Variants in MYLK4 observed in about 807,000 individuals in gnomAD.
The protein encoded by MYLK4 is caMLCK like.
A neutral mutation model predicts 48.1 loss-of-function variants in MYLK4; 46 were observed. That is an observed-to-expected ratio of 0.96 (90% CI 0.75 to 1.22). MYLK4 has a LOEUF of 1.22. MYLK4 is among the 50% of genes most tolerant of loss of function. The pLI is 0.00. For missense variants in MYLK4, 451 were observed against 486.1 expected (o/e 0.93, Z 0.68); for synonymous variants, 170 against 180.8 (o/e 0.94, Z 0.48).
chr6:2,768,856 A>G, the MYLK4 span: 1 of 1,612,276 alleles, frequency 6.2e-7, no homozygotes, highest in Non-Finnish European at 8.5e-7. Context: ...TATTGATGAG[A>G]TTCATCGGTT....
chr6:2,766,065 C>G, the MYLK4 span: 1 of 1,293,498 alleles, frequency 7.7e-7, no homozygotes, highest in Non-Finnish European at 9.8e-7. Context: ...GCCGCCGCCG[C>G]GGCGGGGAGC....
intron 2 of MYLK4, among the ~76,000 whole-genome samples, chr6:2,696,985 G>A (rs1762084893): frequency 1.3e-5 from 2 of 152,170 alleles, no homozygotes; most frequent in African/African-American, 4.8e-5. Context: ...CTTGAACCCT[G>A]GAGGCGGAGG....
At chr6:2,719,746 G>C (rs957071224) in intron 2 of MYLK4, among the ~76,000 whole-genome samples, 12 of 152,002 alleles carry the variant, frequency 7.9e-5, no homozygotes, top group Admixed American at 7.9e-4. Flanking sequence ...TGTATTCCAG[G>C]CCTGTAAATT....
intron 2 of MYLK4, among the ~76,000 whole-genome samples, chr6:2,715,206 G>A (rs1762824601): frequency 6.6e-6 from 1 of 150,572 alleles, no homozygotes. Flanking sequence ...GTTGCGGTAA[G>A]CTGAGATCCT....
At chr6:2,712,894 G>A (rs180819961) in intron 2 of MYLK4, among the ~76,000 whole-genome samples, 2 of 152,308 alleles carry the variant, frequency 1.3e-5, no homozygotes, top group East Asian at 3.9e-4. Flanking sequence ...ACCAAGGACT[G>A]ATCTACAGCC....
At chr6:2,686,700 C>T (rs562651904) in intron 4 of MYLK4, among the ~76,000 whole-genome samples, 1 of 152,288 alleles carries the variant, frequency 6.6e-6, no homozygotes, top group East Asian at 1.9e-4. Context: ...GCCGCTGCAT[C>T]CTACTGTGGG....
In MYLK4 at chr6:2,683,060, C is replaced by A. The variant is rs1761372691; in HGVS notation, c.648G>T (p.Arg216Ser). The change falls in exon 7 of 13, where the codon AGG (arginine) becomes AGT (serine). Residue 216 changes from arginine to serine, a missense_variant. Arg to Ser is a moderately radical substitution (Grantham distance 110). Transcript: ENST00000274643. ...LFMKQICEGI[R>S]HMHQMYILHL... Reference sequence around the variant, plus strand: ...GGAGAATGTACATCTGATGCATGTGCCTTATCCCCTCACATATCTGCTTCA... The same window carrying A: ...GGAGAATGTACATCTGATGCATGTGACTTATCCCCTCACATATCTGCTTCA... The A allele has an allele frequency of 6.2e-7, 1 of 1,614,054 alleles. No individual in the cohort carries two copies. Among genetic ancestry groups the A allele is most frequent in the South Asian group, 1.1e-5 (1 of 91,078 alleles).
chr6:2,752,354 G>A (rs1158934016), upstream of MYLK4, among the ~76,000 whole-genome samples: 4 of 151,682 alleles, frequency 2.6e-5, no homozygotes, highest in Non-Finnish European at 5.9e-5. Flanking sequence ...CATGGTGAAC[G>A]TTATTATTAA....
At chr6:2,678,718 T>G (rs1371922372) in intron 9 of MYLK4, among the ~76,000 whole-genome samples, 1 of 151,084 alleles carries the variant, frequency 6.6e-6, no homozygotes, top group African/African-American at 2.4e-5. Flanking sequence ...TCAGTTTTTT[T>G]TTTTTTTTTT....
At chr6:2,765,436 G>A in the MYLK4 span, 1 of 630,612 alleles carries the variant, frequency 1.6e-6, no homozygotes, top group Non-Finnish European at 2.2e-6. Flanking sequence ...GCGGCCGGCC[G>A]AGGGCGGGCG....
Position 2,712,721 on chromosome 6 carries a change from G to A in MYLK4, c.160-19862C>T, listed in dbSNP as rs1012627538. ...CTTCACAGAGCCAGACGGCTGCATCGGGCTTTCACACATCAAGACTTCATG... is the reference window on the plus strand; with the variant it reads ...CTTCACAGAGCCAGACGGCTGCATCAGGCTTTCACACATCAAGACTTCATG... On this transcript the variant is annotated intron_variant, in intron 2 of 12. Coordinates refer to ENST00000274643, the MANE Select transcript of MYLK4 (RefSeq NM_001012418.5). Among the ~76,000 whole-genome samples the A allele has an allele frequency of 3.9e-5, 6 of 152,206 alleles. No individual in the cohort carries two copies. In the South Asian group the frequency reaches 8.3e-4, roughly 21 times the overall value.
chr6:2,761,144 G>A, the MYLK4 span, among the ~76,000 whole-genome samples: 3 of 152,074 alleles, frequency 2.0e-5, no homozygotes, highest in Non-Finnish European at 1.5e-5. Context: ...TCTACTTGTC[G>A]TTACTGACAG....
chr6:2,731,061 G>A (rs1240284113), intron 2 of MYLK4, among the ~76,000 whole-genome samples: 3 of 152,098 alleles, frequency 2.0e-5, no homozygotes, highest in African/African-American at 7.2e-5. Flanking sequence ...TTAAAAAAAA[G>A]ATTTAAAAGG....
the MYLK4 span, among the ~76,000 whole-genome samples, chr6:2,763,252 T>C: frequency 6.6e-6 from 1 of 152,246 alleles, no homozygotes; most frequent in African/African-American, 2.4e-5. Flanking sequence ...CCCACCAGAC[T>C]CAGAAACCCA....
At chr6:2,678,429 T>C (rs1259841766) in intron 9 of MYLK4, 57 bp from the exon 10 acceptor site, 2 of 1,564,410 alleles carry the variant, frequency 1.3e-6, no homozygotes, top group Non-Finnish European at 1.7e-6. Flanking sequence ...CCCCTTTCCA[T>C]ACAGATTGCT....
intron 2 of MYLK4, among the ~76,000 whole-genome samples, chr6:2,733,797 C>A (rs1763561124): frequency 6.6e-6 from 1 of 152,086 alleles, no homozygotes; most frequent in African/African-American, 2.4e-5. Context: ...TCTCATGAGA[C>A]CCCTGGAGGG....
the MYLK4 span, among the ~76,000 whole-genome samples, chr6:2,768,213 G>T: frequency 1.3e-5 from 2 of 152,146 alleles, no homozygotes; most frequent in South Asian, 4.1e-4. Context: ...TGGTCTCAAG[G>T]CAAATGCTCC....
chr6:2,685,541 G>A lies in MYLK4; in HGVS notation c.377C>T (p.Thr126Met), dbSNP rs34953021. 141,631 of 1,613,928 alleles carry A rather than the reference G, an allele frequency of 0.088. 6,994 individuals are homozygous for A. Among genetic ancestry groups the A allele is most frequent in the South Asian group, 0.18 (16,441 of 91,072 alleles). The change falls in exon 5 of 13, where the codon ACG becomes ATG. Residue 126 changes from threonine (T) to methionine (M), a missense_variant. Physicochemically the swap from Thr to Met is moderately conservative, Grantham distance 81. Coordinates refer to ENST00000274643, the MANE Select transcript of MYLK4 (RefSeq NM_001012418.5). This position sits in a 1 kb window ranked among gnomAD's most constrained non-coding sequence, Gnocchi z 4.5. The part of the protein sequence containing the change: ...RFGQVHKCEE[T>M]ATGLKLAAKI... ...GGCTGCCAGCTTCAGACCTGTGGCC[G>A]TCTCCTCACACTTGTGAACCTGGCC...
intron 7 of MYLK4, 151 bp downstream of exon 7, chr6:2,682,870 G>C: frequency 1.3e-6 from 1 of 798,970 alleles, no homozygotes; most frequent in East Asian, 2.6e-5. Context: ...GACAGAAGCT[G>C]AGAATAAGGA....
Sources: gnomAD v4.1 joint callset for allele counts (sites outside exome capture counted in the v4.1 genomes callset) on GRCh38, gnomAD v4.1.1 for gene constraint, Gnocchi (gnomAD v3.1) non-coding constraint, MANE v1.5 for transcripts, NCBI Gene and HGNC (gene_info 2026-07-23, HGNC 2026-07-21) for gene names.